Variants in NKAIN2 observed in about 807,000 individuals in gnomAD.
The protein encoded by NKAIN2 is sodium/potassium-transporting ATPase subunit beta-1-interacting protein 2.
Under a neutral mutation model 32.6 loss-of-function variants are expected in NKAIN2, and 14 were observed. That is an observed-to-expected ratio of 0.43 (90% CI 0.28 to 0.67). The LOEUF (loss-of-function observed/expected upper bound fraction) is 0.67, where lower values mean the gene tolerates loss of function less well. Ranked by LOEUF, NKAIN2 falls within the 30% of genes least tolerant of loss-of-function variation. The pLI, the probability that NKAIN2 is intolerant of heterozygous loss-of-function variation, is 0.17. For synonymous variants in NKAIN2, 80 were observed against 87.2 expected, an observed-to-expected ratio of 0.92 and a Z score of 0.46; for missense variants, 198 against 258.3, an observed-to-expected ratio of 0.77 and a Z score of 1.60.
At chr6:124,688,655 C>G (rs541942423) in intron 4 of NKAIN2, among the ~76,000 whole-genome samples, 10 of 152,070 alleles carry the variant, frequency 6.6e-5, no homozygotes, top group Non-Finnish European at 1.3e-4. Context: ...CCTTTCTAAC[C>G]TCTAGCAACT....
At chr6:123,870,904 T>C (rs1437646471) in intron 1 of NKAIN2, among the ~76,000 whole-genome samples, 1 of 152,176 alleles carries the variant, frequency 6.6e-6, no homozygotes, top group Non-Finnish European at 1.5e-5. Flanking sequence ...TATATATATG[T>C]CTTTTTTTAA....
chr6:124,629,867 T>G, intron 3 of NKAIN2, among the ~76,000 whole-genome samples: 1 of 151,510 alleles, frequency 6.6e-6, no homozygotes, highest in East Asian at 1.9e-4. Flanking sequence ...ACTTGTCATA[T>G]CCAAGAGATA....
At chr6:123,949,515 A>G (rs547636269) in intron 1 of NKAIN2, among the ~76,000 whole-genome samples, 1 of 151,840 alleles carries the variant, frequency 6.6e-6, no homozygotes, top group East Asian at 1.9e-4. Context: ...GAGGTCTTTC[A>G]CCCACTTTGT....
At chr6:124,597,115 A>G (rs1214858100) in intron 3 of NKAIN2, among the ~76,000 whole-genome samples, 1 of 152,148 alleles carries the variant, frequency 6.6e-6, no homozygotes, top group Non-Finnish European at 1.5e-5. Context: ...TGTTAATCTC[A>G]TCCAGAGACA....
intron 3 of NKAIN2, among the ~76,000 whole-genome samples, chr6:124,430,395 G>A (rs1775164883): frequency 6.6e-6 from 1 of 152,088 alleles, no homozygotes; most frequent in African/African-American, 2.4e-5. Flanking sequence ...TCATTTTACT[G>A]TTATCTCTTA....
intron 1 of NKAIN2, among the ~76,000 whole-genome samples, chr6:124,207,940 A>G (rs1412682222): frequency 6.6e-6 from 1 of 152,012 alleles, no homozygotes; most frequent in Non-Finnish European, 1.5e-5. Flanking sequence ...CTAGACTTGT[A>G]TTCTGCAGGA....
intron 4 of NKAIN2, among the ~76,000 whole-genome samples, chr6:124,721,667 T>C (rs916560880): frequency 1.3e-5 from 2 of 152,196 alleles, no homozygotes; most frequent in Non-Finnish European, 2.9e-5. Context: ...GAAGTCTTTT[T>C]ATCTTTGTCC....
chr6:124,171,802 T>C (rs1191632460), intron 1 of NKAIN2, among the ~76,000 whole-genome samples: 2 of 151,508 alleles, frequency 1.3e-5, no homozygotes, highest in Non-Finnish European at 2.9e-5. Context: ...TCCGCCTGCC[T>C]TGGCCTCCCA....
chr6:124,731,733 G>A (rs1340356418), intron 4 of NKAIN2, among the ~76,000 whole-genome samples: 8 of 151,532 alleles, frequency 5.3e-5, no homozygotes, highest in Non-Finnish European at 1.0e-4. Flanking sequence ...GAATGTGGAA[G>A]TTTCATGAAA....
intron 1 of NKAIN2, among the ~76,000 whole-genome samples, chr6:123,967,767 A>C (rs1366750118): frequency 6.6e-6 from 1 of 152,134 alleles, no homozygotes; most frequent in African/African-American, 2.4e-5. Flanking sequence ...TGGTTCTTAC[A>C]CTTTCTCCTT....
intron 1 of NKAIN2, among the ~76,000 whole-genome samples, chr6:124,236,889 T>C (rs549172478): frequency 5.6e-4 from 85 of 152,278 alleles, no homozygotes; most frequent in Non-Finnish European, 1.1e-3. Context: ...AGAGTGCTTT[T>C]AAAAGATTCC....
At chr6:124,607,580 T>C (rs1484037621) in intron 3 of NKAIN2, among the ~76,000 whole-genome samples, 1 of 152,156 alleles carries the variant, frequency 6.6e-6, no homozygotes, top group Non-Finnish European at 1.5e-5. Flanking sequence ...TAATGGCCTA[T>C]TGCTTATTTA....
chr6:123,809,393 G>A (rs1773358506), intron 1 of NKAIN2, among the ~76,000 whole-genome samples: 1 of 151,884 alleles, frequency 6.6e-6, no homozygotes, highest in Admixed American at 6.6e-5. Context: ...AATTTCTATA[G>A]GATGGAAATA....
At chr6:124,612,319 C>G (rs1318855478) in intron 3 of NKAIN2, among the ~76,000 whole-genome samples, 1 of 151,856 alleles carries the variant, frequency 6.6e-6, no homozygotes, top group Non-Finnish European at 1.5e-5. Context: ...AACATAAAGC[C>G]TCCTTTTTTA....
intron 4 of NKAIN2, among the ~76,000 whole-genome samples, chr6:124,755,815 A>G (rs1031886110): frequency 3.3e-5 from 5 of 152,166 alleles, no homozygotes; most frequent in Admixed American, 3.3e-4. Flanking sequence ...AACTCCCATG[A>G]CACAAGTTGA....
At chr6:124,458,678 T>C (rs2114641172) in intron 3 of NKAIN2, among the ~76,000 whole-genome samples, 1 of 151,988 alleles carries the variant, frequency 6.6e-6, no homozygotes, top group South Asian at 2.1e-4. Context: ...AGCAGAATTA[T>C]AGGACTGTAT....
At chr6:124,573,587 C>A (rs987246706) in intron 3 of NKAIN2, among the ~76,000 whole-genome samples, 3 of 151,928 alleles carry the variant, frequency 2.0e-5, no homozygotes, top group African/African-American at 7.3e-5. Flanking sequence ...TCATAATTTT[C>A]TTCTCATTTT....
At chr6:124,216,840 A>T (rs552734794) in intron 1 of NKAIN2, among the ~76,000 whole-genome samples, 2 of 152,196 alleles carry the variant, frequency 1.3e-5, no homozygotes, top group Non-Finnish European at 2.9e-5. Context: ...ACCTAACCCT[A>T]TATTTTCACC....
intron 1 of NKAIN2, among the ~76,000 whole-genome samples, chr6:123,873,044 G>A (rs1021014042): frequency 1.3e-5 from 2 of 152,154 alleles, no homozygotes; most frequent in African/African-American, 2.4e-5. Flanking sequence ...AGATGGACAA[G>A]GTCTCTACTC....
Sources: allele counts gnomAD v4.1 joint callset (sites outside exome capture counted in the v4.1 genomes callset), GRCh38; gene constraint gnomAD v4.1.1; transcripts MANE v1.5; gene names NCBI Gene and HGNC (gene_info 2026-07-23, HGNC 2026-07-21).